The following FSTL5 variants were observed in gnomAD, a reference collection of about 807,000 sequenced individuals.
FSTL5 encodes the protein follistatin-related protein 5.
In FSTL5, 62 loss-of-function variants were observed where a neutral mutation model predicts 89.1. That is an observed-to-expected ratio of 0.70 (90% CI 0.57 to 0.86). The LOEUF (loss-of-function observed/expected upper bound fraction) is 0.86, where lower values mean the gene tolerates loss of function less well. Among genes scored for constraint, FSTL5 ranks in the 40% least tolerant of loss-of-function variants. The probability of loss-of-function intolerance (pLI) is 0.00; values close to 1 mark genes in which losing one functional copy is unlikely to be tolerated. For missense variants in FSTL5, 1,057 were observed against 1,001.6 expected, an observed-to-expected ratio of 1.06 and a Z score of -0.75; for synonymous variants, 383 against 346.2, an observed-to-expected ratio of 1.11 and a Z score of -1.18.
At chr4:161,432,709 A>T (rs956913351) in intron 15 of FSTL5, among the ~76,000 whole-genome samples, 3 of 151,918 alleles carry the variant, frequency 2.0e-5, no homozygotes, top group Admixed American at 2.0e-4. Flanking sequence ...AAAAGATAAG[A>T]CTCAAATAAA....
At chr4:161,461,549 T>G (rs1189134660) in intron 13 of FSTL5, among the ~76,000 whole-genome samples, 2 of 151,226 alleles carry the variant, frequency 1.3e-5, no homozygotes, top group Non-Finnish European at 2.9e-5. Context: ...ACTGAATTCT[T>G]TATAACCTTG....
chr4:162,061,888 GAA>G (rs1738729463), intron 2 of FSTL5, among the ~76,000 whole-genome samples: 1 of 151,936 alleles, frequency 6.6e-6, no homozygotes, highest in African/African-American at 2.4e-5. Flanking sequence ...GTAGCTTTTT[GAA>G]AGTTTAATTT....
intron 15 of FSTL5, among the ~76,000 whole-genome samples, chr4:161,393,035 G>A (rs1210138495): frequency 6.6e-6 from 1 of 151,908 alleles, no homozygotes. Context: ...ATGGTGCCAT[G>A]CATCTGTAGT....
chr4:161,858,536 T>C (rs1397132001), intron 4 of FSTL5, among the ~76,000 whole-genome samples: 1 of 152,150 alleles, frequency 6.6e-6, no homozygotes, highest in Non-Finnish European at 1.5e-5. Context: ...AATCCTACAT[T>C]CCCATAAAAT....
intron 4 of FSTL5, among the ~76,000 whole-genome samples, chr4:161,824,684 T>C (rs554304136): frequency 1.3e-5 from 2 of 152,288 alleles, no homozygotes; most frequent in South Asian, 4.1e-4. Context: ...AATTAGTTTG[T>C]GATTTTTTGC....
intron 7 of FSTL5, among the ~76,000 whole-genome samples, chr4:161,640,189 T>C (rs1252901533): frequency 6.6e-6 from 1 of 151,874 alleles, no homozygotes; most frequent in East Asian, 1.9e-4. Context: ...AAGAAGAAAA[T>C]TCTGGGGAAG....
intron 8 of FSTL5, among the ~76,000 whole-genome samples, chr4:161,557,110 TTAAA>T (rs1207253862): frequency 1.3e-5 from 2 of 151,386 alleles, no homozygotes; most frequent in Non-Finnish European, 3.0e-5. Flanking sequence ...AAAAGCACTC[TTAAA>T]TAAAGCAATA....
At chr4:162,085,999 T>C (rs1730303589) in intron 2 of FSTL5, among the ~76,000 whole-genome samples, 1 of 152,074 alleles carries the variant, frequency 6.6e-6, no homozygotes, top group African/African-American at 2.4e-5. Context: ...TTACAGCACA[T>C]GAAGCAGGTA....
intron 6 of FSTL5, among the ~76,000 whole-genome samples, chr4:161,705,712 C>T (rs1738542518): frequency 6.6e-6 from 1 of 151,478 alleles, no homozygotes; most frequent in Non-Finnish European, 1.5e-5. Flanking sequence ...GTTCACCAAT[C>T]TTCCCTACAG....
At chr4:161,715,198 T>A (rs868582484) in intron 6 of FSTL5, among the ~76,000 whole-genome samples, 72 of 152,162 alleles carry the variant, frequency 4.7e-4, no homozygotes, top group African/African-American at 1.7e-3. Context: ...TATATGTAGG[T>A]TTTACACTCC....
chr4:161,676,147 A>C (rs745771426), intron 6 of FSTL5, among the ~76,000 whole-genome samples: 5 of 152,168 alleles, frequency 3.3e-5, no homozygotes, highest in Non-Finnish European at 7.4e-5. Context: ...AATGTTTAGT[A>C]GGCATTCCAC....
intron 2 of FSTL5, among the ~76,000 whole-genome samples, chr4:162,037,606 C>T (rs1044155647): frequency 1.3e-5 from 2 of 151,792 alleles, no homozygotes; most frequent in Non-Finnish European, 2.9e-5. Context: ...ATCAAGTTCT[C>T]TCCCATACAG....
intron 1 of FSTL5, among the ~76,000 whole-genome samples, chr4:162,132,439 C>T (rs1356125849): frequency 1.3e-5 from 2 of 152,144 alleles, no homozygotes; most frequent in Non-Finnish European, 1.5e-5. Context: ...ACCACGAACC[C>T]ACCAGAAGGA....
At chr4:161,450,583 C>T (rs1421906202) in intron 15 of FSTL5, among the ~76,000 whole-genome samples, 1 of 152,030 alleles carries the variant, frequency 6.6e-6, no homozygotes, top group Non-Finnish European at 1.5e-5. Flanking sequence ...TTTAATATAA[C>T]AACTGAGTTG....
At chr4:162,001,630 G>A in intron 3 of FSTL5, among the ~76,000 whole-genome samples, 1 of 150,908 alleles carries the variant, frequency 6.6e-6, no homozygotes, top group East Asian at 2.0e-4. Context: ...GTGTGTGTAA[G>A]TGTAAGAGTG....
At chr4:162,111,508 T>C (rs1731442953) in intron 1 of FSTL5, 96 bp from the exon 2 acceptor site, 5 of 966,314 alleles carry the variant, frequency 5.2e-6, no homozygotes, top group Admixed American at 2.9e-5. Flanking sequence ...AAATCTCCAT[T>C]AATCTAATCA....
At chr4:161,597,730 C>T (rs1470098961) in intron 7 of FSTL5, among the ~76,000 whole-genome samples, 2 of 151,522 alleles carry the variant, frequency 1.3e-5, no homozygotes, top group African/African-American at 2.4e-5. Flanking sequence ...GATACTTGTA[C>T]AATATGTAGA....
At chr4:161,620,629 C>T (rs1053005181) in intron 7 of FSTL5, among the ~76,000 whole-genome samples, 1 of 152,022 alleles carries the variant, frequency 6.6e-6, no homozygotes, top group Admixed American at 6.6e-5. Flanking sequence ...GCACTCCAGC[C>T]TAGGCAACAA....
chr4:162,054,620 G>C (rs1269203724), intron 2 of FSTL5, among the ~76,000 whole-genome samples: 1 of 151,900 alleles, frequency 6.6e-6, no homozygotes, highest in Non-Finnish European at 1.5e-5. Context: ...TAATGGAACA[G>C]ATTTCCCATC....
Sources: allele counts gnomAD v4.1 joint callset (sites outside exome capture counted in the v4.1 genomes callset), GRCh38; gene constraint gnomAD v4.1.1; transcripts MANE v1.5; gene names NCBI Gene and HGNC (gene_info 2026-07-23, HGNC 2026-07-21).